The following NUDT6 variants were observed in gnomAD, a reference collection of about 807,000 sequenced individuals.
NUDT6 encodes the protein nudix hydrolase 6, also known as FAD diphosphatase NUDT6.
A neutral mutation model predicts 36.8 loss-of-function variants in NUDT6; 24 were observed. That is an observed-to-expected ratio of 0.65 (90% CI 0.47 to 0.92). NUDT6 has a LOEUF of 0.92. Among genes scored for constraint, NUDT6 ranks in the 40% least tolerant of loss-of-function variants. NUDT6 has a pLI of 0.00. For synonymous variants in NUDT6, 163 were observed against 157.0 expected, an observed-to-expected ratio of 1.04 and a Z score of -0.29; for missense variants, 388 against 392.8, an observed-to-expected ratio of 0.99 and a Z score of 0.10.
intron 3 of NUDT6, among the ~76,000 whole-genome samples, chr4:122,908,624 C>T (rs58436195): frequency 1.3e-3 from 195 of 152,306 alleles, no homozygotes; most frequent in African/African-American, 4.4e-3. Flanking sequence ...CACTGGCACA[C>T]GTTTGCAGGA....
intron 1 of NUDT6, chr4:122,921,561 A>T (rs1168446754): frequency 7.3e-6 from 1 of 137,562 alleles, no homozygotes; most frequent in Non-Finnish European, 1.5e-5. Flanking sequence ...CTACCACTGC[A>T]CTCTAGCCTG....
At chr4:122,908,226 G>A (rs1429995569) in intron 3 of NUDT6, among the ~76,000 whole-genome samples, 1 of 152,090 alleles carries the variant, frequency 6.6e-6, no homozygotes, top group Non-Finnish European at 1.5e-5. Flanking sequence ...TTAACATAAG[G>A]TAACAAAATG....
intron 4 of NUDT6, chr4:122,894,252 A>G (rs1322416313): frequency 6.6e-6 from 1 of 152,198 alleles, no homozygotes; most frequent in Non-Finnish European, 1.5e-5. Flanking sequence ...TACAATTGAG[A>G]TTTGCCCATA....
rs75236153 is a variant in NUDT6 at position 122,920,475 on chromosome 4, T to G, written c.238+1860A>C. On this transcript the variant is annotated intron_variant, in intron 1 of 4. Transcript: ENST00000304430. ...TATAACAAGTATTTGGTACTTAAGT[T>G]TACAAATTAGTTTCATCTTTGATCA... The G allele has an allele frequency of 4.0e-3, 607 of 152,364 alleles. 2 individuals carry two copies. Among genetic ancestry groups the G allele is most frequent in the African/African-American group, 0.014 (564 of 41,590 alleles). 9.4% of individuals were successfully genotyped at this position (152,364 alleles called of 1,614,324 possible).
intron 1 of NUDT6, chr4:122,919,474 CAA>C (rs1298822941): frequency 3.3e-5 from 5 of 152,286 alleles, no homozygotes; most frequent in African/African-American, 1.2e-4. Flanking sequence ...CTCGGCCTCC[CAA>C]AGTGCTGGGA....
Position 122,892,628 on chromosome 4 carries a change from T to C in NUDT6, c.*200A>G. 1 of 1,427,682 alleles carries C rather than the reference T, an allele frequency of 7.0e-7. No homozygotes were observed. Among genetic ancestry groups the C allele is most frequent in the Non-Finnish European group, 9.1e-7 (1 of 1,093,386 alleles). 88.4% of individuals were successfully genotyped at this position (1,427,682 alleles called of 1,614,324 possible). A position where few individuals can be genotyped will look rare whatever the true frequency, so the allele number is the denominator to read the frequency against. On this transcript the variant is annotated 3_prime_UTR_variant, in exon 5 of 5. Transcript: ENST00000304430. Reference sequence around the variant, plus strand: ...TGCATCTGCTGTTACCCAGTGAAGCTTACCTAGAGCAATGATCTTTTTCAC... The same window carrying C: ...TGCATCTGCTGTTACCCAGTGAAGCCTACCTAGAGCAATGATCTTTTTCAC...
At chr4:122,904,874 G>A (rs987541517) in intron 3 of NUDT6, among the ~76,000 whole-genome samples, 1 of 152,188 alleles carries the variant, frequency 6.6e-6, no homozygotes, top group Non-Finnish European at 1.5e-5. Context: ...TGTGTCTGGA[G>A]TTGGTTCCTT....
At chr4:122,907,809 G>A (rs1727651295) in intron 3 of NUDT6, among the ~76,000 whole-genome samples, 1 of 152,052 alleles carries the variant, frequency 6.6e-6, no homozygotes, top group Non-Finnish European at 1.5e-5. Context: ...TCTTTCTTGT[G>A]TGAGATCCAA....
intron 1 of NUDT6, chr4:122,920,049 C>G (rs1289667987): frequency 6.6e-6 from 1 of 152,206 alleles, no homozygotes; most frequent in East Asian, 1.9e-4. Flanking sequence ...ATCCCTCTAA[C>G]TTCAGTTGTT....
chr4:122,916,897 G>C (rs868854803), intron 2 of NUDT6, among the ~76,000 whole-genome samples: 1 of 152,152 alleles, frequency 6.6e-6, no homozygotes, highest in African/African-American at 2.4e-5. Context: ...TGATAACAGG[G>C]AAGGCTACTA....
At position 122,900,057 on chromosome 4, in the gene NUDT6, A is replaced by ACCCC. The variant is rs57059464; in HGVS notation, c.499-2383_499-2380dup. On this transcript the variant is annotated intron_variant, in intron 3 of 4. Coordinates refer to ENST00000304430, the MANE Select transcript of NUDT6 (RefSeq NM_007083.5). ...ATTAACATGGTCATGCACCCCCGCC[A>ACCCC]CCCCCCCCCCGGCCCCCACCACCAC... Among the ~76,000 whole-genome samples, 488 of 88,688 alleles carry ACCCC rather than the reference A, an allele frequency of 5.5e-3. 1 individual carries two copies. The highest frequency in any genetic ancestry group is 0.02 in the East Asian group (49 of 2,470). 58.2% of individuals were successfully genotyped at this position (88,688 alleles called of 152,430 possible).
chr4:122,903,267 A>C (rs1727559306), intron 3 of NUDT6, among the ~76,000 whole-genome samples: 1 of 152,200 alleles, frequency 6.6e-6, no homozygotes, highest in African/African-American at 2.4e-5. Flanking sequence ...TTTCTTATAT[A>C]ATTTGAACTT....
intron 2 of NUDT6, among the ~76,000 whole-genome samples, chr4:122,914,088 C>T (rs916627465): frequency 6.6e-6 from 1 of 152,096 alleles, no homozygotes; most frequent in Non-Finnish European, 1.5e-5. Context: ...ATGGGGTTCA[C>T]ATTCTGGTAT....
chr4:122,902,620 G>T (rs879836713), intron 3 of NUDT6, among the ~76,000 whole-genome samples: 4 of 152,184 alleles, frequency 2.6e-5, no homozygotes, highest in Non-Finnish European at 1.5e-5. Flanking sequence ...TGTACCTAGT[G>T]CTTAGAACAG....
intron 3 of NUDT6, among the ~76,000 whole-genome samples, chr4:122,903,085 C>T (rs1423911349): frequency 6.6e-6 from 1 of 151,978 alleles, no homozygotes; most frequent in African/African-American, 2.4e-5. Context: ...TCACCTAACA[C>T]CAAACATTTA....
At chr4:122,917,788 C>T in intron 1 of NUDT6, 84 bp from the exon 2 acceptor site, 2 of 1,252,876 alleles carry the variant, frequency 1.6e-6, no homozygotes, top group East Asian at 2.5e-5. Flanking sequence ...TTCGCCTCCT[C>T]CAGGAAACCA....
chr4:122,902,620 G>A (rs879836713), intron 3 of NUDT6, among the ~76,000 whole-genome samples: 11 of 152,184 alleles, frequency 7.2e-5, no homozygotes, highest in Non-Finnish European at 1.3e-4. Flanking sequence ...TGTACCTAGT[G>A]CTTAGAACAG....
intron 3 of NUDT6, among the ~76,000 whole-genome samples, chr4:122,906,279 C>T (rs368044373): frequency 1.3e-5 from 2 of 152,254 alleles, no homozygotes; most frequent in East Asian, 3.9e-4. Context: ...AATTGACAGG[C>T]TGACTTGAGC....
At chr4:122,898,109 G>A (rs1727421667) in intron 3 of NUDT6, 1 of 158,860 alleles carries the variant, frequency 6.3e-6, no homozygotes, top group African/African-American at 2.4e-5. Context: ...TTCCTATATT[G>A]TATTTCTAAT....
Sources: gnomAD v4.1 joint callset for allele counts (sites outside exome capture counted in the v4.1 genomes callset) on GRCh38, gnomAD v4.1.1 for gene constraint, MANE v1.5 for transcripts, NCBI Gene and HGNC (gene_info 2026-07-23, HGNC 2026-07-21) for gene names.